PTPRJ: variants seen among roughly 807,000 people sequenced by gnomAD.
PTPRJ encodes the protein receptor-type tyrosine-protein phosphatase eta.
Under a neutral mutation model 141.3 loss-of-function variants are expected in PTPRJ, and 129 were observed. The observed-to-expected ratio is 0.91, with a 90% CI of 0.79 to 1.06. PTPRJ has a LOEUF of 1.06. Ranked by LOEUF, PTPRJ falls within the 50% of genes least tolerant of loss-of-function variation. PTPRJ has a pLI of 0.00. For synonymous variants in PTPRJ, 610 were observed against 640.5 expected (o/e 0.95, Z 0.72); for missense variants, 1,601 against 1,679.7 (o/e 0.95, Z 0.82).
chr11:47,994,009 G>A (rs1431683188), intron 1 of PTPRJ, among the ~76,000 whole-genome samples: 2 of 151,362 alleles, frequency 1.3e-5, no homozygotes, highest in Non-Finnish European at 2.9e-5. Context: ...TATATGTGCA[G>A]GCCGCCACAC....
chr11:48,041,514 A>C (rs1183601889), intron 1 of PTPRJ, among the ~76,000 whole-genome samples: 2 of 152,234 alleles, frequency 1.3e-5, no homozygotes, highest in African/African-American at 4.8e-5. Context: ...TCAGATGAGA[A>C]GTCTCACCAG....
chr11:47,999,863 C>CCTTTTTTTTT (rs1854443929), intron 1 of PTPRJ, among the ~76,000 whole-genome samples: 1 of 136,282 alleles, frequency 7.3e-6, no homozygotes, highest in African/African-American at 3.0e-5. Context: ...CGAGATTCTT[C>CCTTTTTTTTT]TTTTTTTTTT....
intron 1 of PTPRJ, among the ~76,000 whole-genome samples, chr11:48,000,982 ATTTT>A (rs1002159076): frequency 3.3e-5 from 4 of 122,882 alleles, no homozygotes; most frequent in Non-Finnish European, 5.0e-5. Context: ...GTCCCATATA[ATTTT>A]TTTTTTTTTT....
intron 11 of PTPRJ, among the ~76,000 whole-genome samples, chr11:48,140,470 G>A (rs549223668): frequency 2.6e-5 from 4 of 152,214 alleles, no homozygotes; most frequent in African/African-American, 9.6e-5. Flanking sequence ...GGTGGTGGGT[G>A]AGCTAGCATG....
chr11:48,146,893 G>C lies in PTPRJ; in HGVS notation c.2929G>C (p.Val977Leu). 1 of 1,614,084 alleles carries C rather than the reference G, an allele frequency of 6.2e-7. No homozygotes were observed. The highest frequency in any genetic ancestry group is 1.1e-5 in the South Asian group (1 of 91,076). The change falls in exon 15 of 25, where the codon GTT becomes CTT. Residue 977 changes from valine (V) to leucine (L), a missense_variant. Physicochemically the swap from Val to Leu is conservative, Grantham distance 32. Coordinates refer to ENST00000418331, the MANE Select transcript of PTPRJ (RefSeq NM_002843.4). ...PQDPGVICGAVFGCIFGALVI... is the reference protein window; with the variant it reads ...PQDPGVICGALFGCIFGALVI... ...TTTCTCAGGTGTCATCTGTGGAGCGGTTTTTGGCTGTATCTTTGGTGCCCT... is the reference window on the plus strand; with the variant it reads ...TTTCTCAGGTGTCATCTGTGGAGCGCTTTTTGGCTGTATCTTTGGTGCCCT...
chr11:48,044,086 G>A (rs1194385694), intron 1 of PTPRJ, among the ~76,000 whole-genome samples: 3 of 152,218 alleles, frequency 2.0e-5, no homozygotes, highest in African/African-American at 7.2e-5. Flanking sequence ...TCCTCCTGCA[G>A]GAGGGACTGC....
At chr11:48,063,918 ATGTGTGTGTG>A (rs113736420) in intron 1 of PTPRJ, among the ~76,000 whole-genome samples, 14 of 147,580 alleles carry the variant, frequency 9.5e-5, no homozygotes, top group Non-Finnish European at 1.6e-4. Context: ...TTCTCAGCTT[ATGTGTGTGTG>A]TGTGTGTGTG....
At chr11:48,013,563 G>T (rs944860474) in intron 1 of PTPRJ, among the ~76,000 whole-genome samples, 1 of 152,198 alleles carries the variant, frequency 6.6e-6, no homozygotes, top group Non-Finnish European at 1.5e-5. Flanking sequence ...TCTCATGGGG[G>T]AATGGGTGGT....
At chr11:48,152,306 C>G (rs1054870497) in intron 18 of PTPRJ, among the ~76,000 whole-genome samples, 4 of 152,078 alleles carry the variant, frequency 2.6e-5, no homozygotes, top group Admixed American at 6.6e-5. Context: ...TTGATTTTTT[C>G]TTGTAAATTT....
At chr11:48,044,224 G>A (rs1460342798) in intron 1 of PTPRJ, among the ~76,000 whole-genome samples, 3 of 152,186 alleles carry the variant, frequency 2.0e-5, no homozygotes, top group African/African-American at 2.4e-5. Flanking sequence ...GTTTTGAGGC[G>A]TATGTGCTTC....
intron 1 of PTPRJ, among the ~76,000 whole-genome samples, chr11:48,007,844 G>T (rs1169412564): frequency 6.6e-6 from 1 of 152,196 alleles, no homozygotes; most frequent in Non-Finnish European, 1.5e-5. Flanking sequence ...GGTCATTGAG[G>T]GTCATCTAAT....
chr11:48,046,902 ATATATATATATTTTT>A (rs200911256), intron 1 of PTPRJ, among the ~76,000 whole-genome samples: 2,126 of 87,202 alleles, frequency 0.024, 57 homozygotes, highest in African/African-American at 0.12. Context: ...ATATATATAT[ATATATATATATTTTT>A]TTTTTTTTTT....
Position 48,150,137 on chromosome 11 carries a change from A to G in PTPRJ, c.3092A>G (p.Lys1031Arg), listed in dbSNP as rs1590560535. 2.5e-6 allele frequency: 4 copies of G among 1,614,194 alleles called. No individual in the cohort carries two copies. Among genetic ancestry groups the G allele is most frequent in the South Asian group, 2.2e-5 (2 of 91,076 alleles). Reference protein sequence around the residue: ...IRVENFEAYFKKQQADSNCGF... With the variant: ...IRVENFEAYFRKQQADSNCGF... ...GTGGAGAATTTTGAGGCCTACTTCA[A>G]GAAGCAGCAAGCTGACTCCAACTGT... The change falls in exon 18 of 25, where the codon AAG becomes AGG. Residue 1031 changes from lysine (K) to arginine (R), a missense_variant. Lys to Arg is a conservative substitution (Grantham distance 26). Transcript: ENST00000418331.
intron 1 of PTPRJ, among the ~76,000 whole-genome samples, chr11:48,019,224 C>T (rs1319253741): frequency 1.3e-5 from 2 of 152,054 alleles, no homozygotes; most frequent in Admixed American, 1.3e-4. Flanking sequence ...GCTGGGCGGG[C>T]ACTTGGCCTT....
chr11:47,989,731 C>G (rs7111404), intron 1 of PTPRJ, among the ~76,000 whole-genome samples: 25,860 of 151,990 alleles, frequency 0.17, 2,461 homozygotes, highest in African/African-American at 0.24. Context: ...AACACATTCC[C>G]CCTCCCCCAT....
At chr11:48,103,511 AAACC>A (rs2134315966) in intron 1 of PTPRJ, among the ~76,000 whole-genome samples, 1 of 152,266 alleles carries the variant, frequency 6.6e-6, no homozygotes, top group Admixed American at 6.5e-5. Context: ...CAAACCAAAA[AAACC>A]AACCAACACA....
chr11:48,121,006 C>G lies in PTPRJ; in HGVS notation c.356C>G (p.Pro119Arg). 1 of 1,587,828 alleles carries G rather than the reference C, an allele frequency of 6.3e-7. No individual in the cohort carries two copies. The highest frequency in any genetic ancestry group is 8.6e-7 in the Non-Finnish European group (1 of 1,166,596). The change falls in exon 4 of 25, where the codon CCC (proline) becomes CGC (arginine). Residue 119 changes from proline to arginine, a missense_variant. Coordinates refer to ENST00000418331, the MANE Select transcript of PTPRJ (RefSeq NM_002843.4). ...TTTTTTTTTTTTAACAATATAGGGCCCAGTCCTGTGTTTGACATTAAAGCT... is the reference window on the plus strand; with the variant it reads ...TTTTTTTTTTTTAACAATATAGGGCGCAGTCCTGTGTTTGACATTAAAGCT... ...ASQKTPSSTG[P>R]SPVFDIKAVS...
intron 1 of PTPRJ, among the ~76,000 whole-genome samples, chr11:47,987,555 T>G (rs180935130): frequency 6.6e-6 from 1 of 152,300 alleles, no homozygotes; most frequent in East Asian, 1.9e-4. Context: ...TGATGTAGGA[T>G]GTGACTGTGA....
At chr11:48,053,587 A>G (rs1329087579) in intron 1 of PTPRJ, among the ~76,000 whole-genome samples, 6 of 140,544 alleles carry the variant, frequency 4.3e-5, no homozygotes, top group Admixed American at 7.9e-5. Flanking sequence ...CTATATATAT[A>G]TATTTTTGAG....
Sources: gnomAD v4.1 joint callset for allele counts (sites outside exome capture counted in the v4.1 genomes callset) on GRCh38, gnomAD v4.1.1 for gene constraint, MANE v1.5 for transcripts, NCBI Gene and HGNC (gene_info 2026-07-23, HGNC 2026-07-21) for gene names.